NOS1: variants seen among roughly 807,000 people sequenced by gnomAD.
NOS1 encodes nitric oxide synthase 1.
In NOS1, 51 loss-of-function variants were observed where a neutral mutation model predicts 164.5. That is an observed-to-expected ratio of 0.31 (90% CI 0.25 to 0.39). The LOEUF (loss-of-function observed/expected upper bound fraction) is 0.39, where lower values mean the gene tolerates loss of function less well. Among genes scored for constraint, NOS1 ranks in the 10% least tolerant of loss-of-function variants. The pLI is 1.00. For missense variants in NOS1, 1,362 were observed against 1,885.6 expected, an observed-to-expected ratio of 0.72 and a Z score of 5.14; for synonymous variants, 719 against 745.8, an observed-to-expected ratio of 0.96 and a Z score of 0.59.
chr12:117,242,546 G>A, intron 20 of NOS1, 81 bp downstream of exon 20: 1 of 1,120,318 alleles, frequency 8.9e-7, no homozygotes, highest in Non-Finnish European at 1.4e-6. Context: ...GCCAGTCCTT[G>A]GAGTCCACAG....
intron 16 of NOS1, among the ~76,000 whole-genome samples, chr12:117,254,198 C>T (rs1871285880): frequency 6.6e-6 from 1 of 152,182 alleles, no homozygotes; most frequent in Non-Finnish European, 1.5e-5. Flanking sequence ...ACCTCTGCCT[C>T]CTGGGTTCAA....
In NOS1 at chr12:117,220,226, A is replaced by G. The variant is rs1300993270; in HGVS notation, c.4019T>C (p.Val1340Ala). ...DILQEQLAES[V>A]YRALKEQGGH... ...CCCTTGCTCCTTCAGGGCTCGGTACACAGACTCCGCCAGCTGCTCCTGCAG... is the reference window on the plus strand; with the variant it reads ...CCCTTGCTCCTTCAGGGCTCGGTACGCAGACTCCGCCAGCTGCTCCTGCAG... Residue 1340 changes from valine (V) to alanine (A), a missense_variant, in exon 27 of 29, where the codon GTG becomes GCG. Around this residue, in one of 4 missense-constraint regions of NOS1, gnomAD observed 737 missense variants for 1,030.3 expected, o/e 0.72. Coordinates refer to ENST00000317775, the MANE Select transcript of NOS1 (RefSeq NM_000620.5). 6.2e-7 allele frequency: 1 copy of G among 1,612,938 alleles called. No individual in the cohort carries two copies. The highest frequency in any genetic ancestry group is 8.5e-7 in the Non-Finnish European group (1 of 1,179,834).
At chr12:117,219,976 A>G in intron 27 of NOS1, 99 bp downstream of exon 27, 1 of 1,166,754 alleles carries the variant, frequency 8.6e-7, no homozygotes, top group Admixed American at 2.2e-5. Flanking sequence ...CAGGGATATC[A>G]TCGTGGCTCC....
chr12:117,258,873 T>G (rs1871669746), intron 15 of NOS1, among the ~76,000 whole-genome samples, 153 bp downstream of exon 15: 1 of 152,186 alleles, frequency 6.6e-6, no homozygotes, highest in East Asian at 1.9e-4. Context: ...TTGTCCAACC[T>G]TTGTATAACT....
chr12:117,323,845 G>C (rs1446558485), intron 2 of NOS1, among the ~76,000 whole-genome samples: 1 of 152,028 alleles, frequency 6.6e-6, no homozygotes, highest in African/African-American at 2.4e-5. Context: ...GCAGTGAGGC[G>C]ATTTCAACTC....
At position 117,213,526 on chromosome 12, in the gene NOS1, T is replaced by G. The variant is rs767600234; in HGVS notation, c.*1783A>C. Reference sequence around the variant, plus strand: ...GGCTGCCAGGGATGGCAGAGCAAGGTGAGTCATAGATTGCCTTTTCACTTT... The same window carrying G: ...GGCTGCCAGGGATGGCAGAGCAAGGGGAGTCATAGATTGCCTTTTCACTTT... On this transcript the variant is annotated 3_prime_UTR_variant, in exon 29 of 29. Coordinates refer to ENST00000317775, the MANE Select transcript of NOS1 (RefSeq NM_000620.5). 1.0e-6 allele frequency: 1 copy of G among 985,378 alleles called. No homozygotes were observed. Among genetic ancestry groups the G allele is most frequent in the African/African-American group, 1.7e-5 (1 of 57,338 alleles). 61.0% of individuals were successfully genotyped at this position (985,378 alleles called of 1,614,324 possible).
intron 26 of NOS1, 31 bp downstream of exon 26, chr12:117,222,684 C>A: frequency 6.2e-7 from 1 of 1,608,250 alleles, no homozygotes; most frequent in South Asian, 1.1e-5. Flanking sequence ...GTGTGTTGGG[C>A]TGGGCTAGGG....
chr12:117,229,624 T>C (rs1463321329), intron 22 of NOS1, among the ~76,000 whole-genome samples: 1 of 150,846 alleles, frequency 6.6e-6, no homozygotes, highest in Middle Eastern at 3.2e-3. Context: ...ATTCTCGCTC[T>C]GTCACCCAGG....
chr12:117,219,586 C>T (rs778919515), intron 27 of NOS1, among the ~76,000 whole-genome samples: 47 of 152,188 alleles, frequency 3.1e-4, no homozygotes, highest in Non-Finnish European at 5.3e-4. Context: ...GAATTATAGG[C>T]GTGAGCCACC....
At chr12:117,359,771 C>G (rs1056358771) in intron 1 of NOS1, among the ~76,000 whole-genome samples, 3 of 150,652 alleles carry the variant, frequency 2.0e-5, no homozygotes, top group African/African-American at 7.3e-5. Context: ...CTTCCGCAGC[C>G]TGTAGTACCC....
At chr12:117,227,318 A>T in intron 23 of NOS1, 113 bp downstream of exon 23, 1 of 979,408 alleles carries the variant, frequency 1.0e-6, no homozygotes, top group Non-Finnish European at 1.5e-6. Flanking sequence ...CTTGGGGATG[A>T]GTTTCTTCCC....
At position 117,330,471 on chromosome 12, in the gene NOS1, C is replaced by T; in HGVS notation, c.599G>A (p.Gly200Glu). The change falls in exon 2 of 29, where the codon GGG becomes GAG. Residue 200 changes from glycine to glutamate, a missense_variant. Coordinates refer to ENST00000317775, the MANE Select transcript of NOS1 (RefSeq NM_000620.5). The surrounding 1 kb of genome is among the most constrained non-coding windows in gnomAD (Gnocchi z 4.6). ...KATRVSLQGR[G>E]ENNELLKEIE... Reference sequence around the variant, plus strand: ...CTCCTTGAGCAGTTCATTGTTCTCCCCTCTGCCTTGGAGGCTGACTCTGGT... The same window carrying T: ...CTCCTTGAGCAGTTCATTGTTCTCCTCTCTGCCTTGGAGGCTGACTCTGGT... 6.2e-7 allele frequency: 1 copy of T among 1,614,210 alleles called. No individual in the cohort carries two copies. Among genetic ancestry groups the T allele is most frequent in the South Asian group, 1.1e-5 (1 of 91,088 alleles).
Position 117,331,197 on chromosome 12 carries a change from G to A in NOS1, c.-128C>T. The stretch of plus-strand genomic sequence containing the variant: ...GAGCCGGGGTGACAGGTGCTGACAA[G>A]GCTTCAGCCCTCTCTGTCTTTGACG... On this transcript the variant is annotated 5_prime_UTR_variant, in exon 2 of 29. Transcript: ENST00000317775. 8.3e-7 allele frequency: 1 copy of A among 1,210,280 alleles called. No homozygotes were observed. Among genetic ancestry groups the A allele is most frequent in the Non-Finnish European group, 1.2e-6 (1 of 869,328 alleles). The allele number at this position is 1,210,280 out of a possible 1,614,324, so 75.0% of individuals were successfully genotyped here.
intron 9 of NOS1, 37 bp downstream of exon 9, chr12:117,277,922 C>T (rs1189375379): frequency 1.9e-6 from 3 of 1,554,564 alleles, no homozygotes; most frequent in Non-Finnish European, 2.6e-6. Context: ...TGGGCAAACC[C>T]ACTCACCCTC....
chr12:117,250,859 C>G (rs762249421), intron 17 of NOS1, among the ~76,000 whole-genome samples: 27 of 152,276 alleles, frequency 1.8e-4, no homozygotes, highest in Middle Eastern at 3.4e-3. Context: ...TTTCCTGAAT[C>G]TCTGTGATTT....
At chr12:117,293,857 G>A (rs887505987) in intron 3 of NOS1, among the ~76,000 whole-genome samples, 2 of 152,074 alleles carry the variant, frequency 1.3e-5, no homozygotes, top group Non-Finnish European at 2.9e-5. Context: ...GCCTGTCTAA[G>A]TTATTGTGCC....
chr12:117,266,423 G>C (rs918757031), intron 11 of NOS1, among the ~76,000 whole-genome samples: 16 of 152,176 alleles, frequency 1.1e-4, no homozygotes, highest in Admixed American at 1.0e-3. Context: ...CCAGGTTGCT[G>C]CGAATGCCAT....
At chr12:117,290,198 A>G in intron 4 of NOS1, 100 bp downstream of exon 4, 1 of 1,446,488 alleles carries the variant, frequency 6.9e-7, no homozygotes, top group Non-Finnish European at 9.5e-7. Context: ...TCAACACCCT[A>G]CAACAGAGGA....
At chr12:117,247,309 G>A (rs775623715) in intron 18 of NOS1, 39 bp downstream of exon 18, 13 of 1,514,952 alleles carry the variant, frequency 8.6e-6, no homozygotes, top group Non-Finnish European at 1.2e-5. Flanking sequence ...GGTGTGGGGA[G>A]CATTACTTTT....
Sources: allele counts gnomAD v4.1 joint callset (sites outside exome capture counted in the v4.1 genomes callset), GRCh38; gene constraint gnomAD v4.1.1; regional missense constraint gnomAD v4.1.1; non-coding constraint Gnocchi (gnomAD v3.1); transcripts MANE v1.5; gene names NCBI Gene and HGNC (gene_info 2026-07-23, HGNC 2026-07-21).